The following C11orf65 variants were observed in gnomAD, a reference collection of about 807,000 sequenced individuals.
C11orf65 encodes the protein chromosome 11 open reading frame 65.
C11orf65 carries 38 observed loss-of-function variants against 35.3 expected under a neutral mutation model. The observed-to-expected ratio is 1.08, with a 90% CI of 0.83 to 1.41. The LOEUF (loss-of-function observed/expected upper bound fraction) is 1.41, where lower values mean the gene tolerates loss of function less well. Among genes scored for constraint, C11orf65 ranks in the 40% most tolerant of loss-of-function variants. C11orf65 has a pLI of 0.00. For missense variants in C11orf65, 370 were observed against 367.1 expected, an observed-to-expected ratio of 1.01 and a Z score of -0.06; for synonymous variants, 105 against 114.4, an observed-to-expected ratio of 0.92 and a Z score of 0.53.
chr11:108,465,977 C>A, intron 1 of C11orf65, among the ~76,000 whole-genome samples: 2 of 134,246 alleles, frequency 1.5e-5, no homozygotes, highest in African/African-American at 6.0e-5. Context: ...GAGTGAAACT[C>A]GGTCTAAAAA....
chr11:108,376,946 T>G (rs1396501168), intron 2 of C11orf65, among the ~76,000 whole-genome samples: 1 of 152,024 alleles, frequency 6.6e-6, no homozygotes, highest in African/African-American at 2.4e-5. Flanking sequence ...GTTGAATCTC[T>G]GAATAGACCA....
chr11:108,394,815 G>A (rs1352613546), intron 6 of C11orf65, among the ~76,000 whole-genome samples: 1 of 152,138 alleles, frequency 6.6e-6, no homozygotes, highest in African/African-American at 2.4e-5. Context: ...GCCTTTCTGG[G>A]CCTCACTGAC....
intron 2 of C11orf65, among the ~76,000 whole-genome samples, chr11:108,348,743 T>A (rs1172766958): frequency 6.6e-6 from 1 of 152,174 alleles, no homozygotes; most frequent in African/African-American, 2.4e-5. Context: ...AAATAATATA[T>A]TGAGAGGAGA....
intron 2 of C11orf65, among the ~76,000 whole-genome samples, chr11:108,440,867 G>T (rs1329807475): frequency 6.6e-6 from 1 of 152,170 alleles, no homozygotes; most frequent in Non-Finnish European, 1.5e-5. Context: ...TTCCAAGATG[G>T]CCAAATAGGA....
chr11:108,321,421 G>T lies in C11orf65; in HGVS notation c.641-12350C>A, dbSNP rs587779856. On this transcript the variant is annotated intron_variant, in intron 6 of 6. Coordinates refer to the C11orf65 transcript ENST00000525729. ...AAAGCATTGGGGAGCTTTTCTCAAG[G>T]TATGTAATTCGTATGACTTTGTTAT... The T allele has an allele frequency of 6.2e-7, 1 of 1,614,046 alleles. No individual in the cohort carries two copies. Among genetic ancestry groups the T allele is most frequent in the Non-Finnish European group, 8.5e-7 (1 of 1,179,962 alleles).
chr11:108,314,311 G>A (rs1251385477), intron 6 of C11orf65, among the ~76,000 whole-genome samples: 4 of 152,030 alleles, frequency 2.6e-5, no homozygotes, highest in African/African-American at 9.7e-5. Context: ...TAGCCATGTT[G>A]CCCAGGCCGA....
chr11:108,377,143 A>C, intron 2 of C11orf65, among the ~76,000 whole-genome samples: 1 of 151,424 alleles, frequency 6.6e-6, no homozygotes, highest in East Asian at 1.9e-4. Flanking sequence ...GGCCAGCATC[A>C]TCCTGATACC....
intron 2 of C11orf65, among the ~76,000 whole-genome samples, chr11:108,458,762 A>T (rs2093436488): frequency 6.6e-6 from 1 of 152,204 alleles, no homozygotes; most frequent in Admixed American, 6.5e-5. Flanking sequence ...AATTTAAAAA[A>T]GTAGGGAAGG....
exon 7 of C11orf65, chr11:108,308,586 A>C (rs2083874294): frequency 5.2e-6 from 1 of 193,980 alleles, no homozygotes. Flanking sequence ...GTACTGCTTG[A>C]GAGTTGACCA....
In C11orf65 at chr11:108,405,420, T is replaced by C; in HGVS notation, c.560+9A>G. 2 of 1,607,266 alleles carry C rather than the reference T, an allele frequency of 1.2e-6. No homozygotes were observed. The highest frequency in any genetic ancestry group is 4.5e-5 in the East Asian group (2 of 44,842). On this transcript the variant is annotated intron_variant, in intron 6 of 8. Transcript: ENST00000393084. ...ACGTATTTCCTTAGTAAGTGTTTCA[T>C]CAACTTACATTTGCCTCATCCACTC...
intron 2 of C11orf65, among the ~76,000 whole-genome samples, chr11:108,344,869 T>C (rs2088104822): frequency 6.6e-6 from 1 of 151,942 alleles, no homozygotes; most frequent in Non-Finnish European, 1.5e-5. Context: ...CAGGTAATGG[T>C]GGCACATGCC....
intron 2 of C11orf65, among the ~76,000 whole-genome samples, chr11:108,443,793 C>A (rs2093202555): frequency 6.6e-6 from 1 of 151,984 alleles, no homozygotes; most frequent in South Asian, 2.1e-4. Flanking sequence ...CACAACATAC[C>A]AGAATCTCTG....
At chr11:108,421,797 G>T (rs1591518561) in intron 3 of C11orf65, among the ~76,000 whole-genome samples, 1 of 152,346 alleles carries the variant, frequency 6.6e-6, no homozygotes, top group East Asian at 1.9e-4. Flanking sequence ...TGGAGAACAA[G>T]GCATGTTTGA....
Position 108,383,194 on chromosome 11 carries a change from T to C in C11orf65, c.788-19A>G, listed in dbSNP as rs745653371. 5.8e-6 allele frequency: 9 copies of C among 1,550,418 alleles called. No individual in the cohort carries two copies. The South Asian group carries it at 6.0e-5, about 10-fold the overall frequency. On this transcript the variant is annotated intron_variant, in intron 8 of 8. Transcript: ENST00000393084. ...CTGAATCCTAAAGAGAAGTGACAAA[T>C]GATTAGAAAGATACCAGATATAATA...
chr11:108,449,586 T>G (rs544339511), intron 2 of C11orf65, among the ~76,000 whole-genome samples: 1,891 of 151,964 alleles, frequency 0.012, 69 homozygotes, highest in African/African-American at 0.043. Flanking sequence ...TAGCCATAGG[T>G]AGAAAGCTGA....
intron 6 of C11orf65, among the ~76,000 whole-genome samples, chr11:108,399,444 T>C (rs774220675): frequency 5.3e-5 from 8 of 152,194 alleles, no homozygotes; most frequent in Non-Finnish European, 1.0e-4. Context: ...TTGTGCCCAC[T>C]GGAAGGATAT....
chr11:108,356,216 G>T (rs1029554549), intron 2 of C11orf65: 1 of 152,016 alleles, frequency 6.6e-6, no homozygotes, highest in Admixed American at 6.5e-5. Flanking sequence ...AAACTCTAAA[G>T]TTATATTATC....
intron 2 of C11orf65, among the ~76,000 whole-genome samples, chr11:108,437,619 G>A (rs374964068): frequency 3.5e-5 from 5 of 142,992 alleles, no homozygotes; most frequent in African/African-American, 1.1e-4. Flanking sequence ...CAGGAGAATC[G>A]CTTGAATCCG....
upstream of C11orf65, among the ~76,000 whole-genome samples, chr11:108,469,842 C>T (rs748820787): frequency 3.2e-4 from 49 of 152,074 alleles, no homozygotes; most frequent in African/African-American, 1.1e-3. Context: ...TTTACTAAGA[C>T]GCAGAACTCA....
Sources: gnomAD v4.1 joint callset for allele counts (sites outside exome capture counted in the v4.1 genomes callset) on GRCh38, gnomAD v4.1.1 for gene constraint, MANE v1.5 for transcripts, NCBI Gene and HGNC (gene_info 2026-07-23, HGNC 2026-07-21) for gene names.